Variants in TFEC observed in about 807,000 individuals in gnomAD.
The protein encoded by TFEC is class E basic helix-loop-helix protein 34.
A neutral mutation model predicts 41.6 loss-of-function variants in TFEC; 31 were observed. The observed-to-expected ratio is 0.74, with a 90% CI of 0.56 to 1.01. TFEC has a LOEUF of 1.01. Ranked by LOEUF, TFEC falls within the 50% of genes least tolerant of loss-of-function variation. TFEC has a pLI of 0.00. For missense variants in TFEC, 402 were observed against 404.1 expected (o/e 0.99, Z 0.04); for synonymous variants, 143 against 140.6 (o/e 1.02, Z -0.12).
intron 6 of TFEC, among the ~76,000 whole-genome samples, chr7:115,947,076 C>A (rs1364848413): frequency 8.5e-6 from 1 of 117,380 alleles, no homozygotes; most frequent in African/African-American, 3.2e-5. Flanking sequence ...CCCCCTCCCC[C>A]CACCCCACAA....
At chr7:115,954,718 C>T (rs1792130946) in intron 4 of TFEC, 76 bp from the exon 5 acceptor site, 2 of 1,090,400 alleles carry the variant, frequency 1.8e-6, no homozygotes, top group Admixed American at 4.7e-5. Context: ...ATTCAGAACT[C>T]CTAGGTGAAA....
intron 3 of TFEC, among the ~76,000 whole-genome samples, chr7:115,957,717 AT>A (rs923333514): frequency 8.6e-5 from 13 of 151,734 alleles, no homozygotes; most frequent in Non-Finnish European, 1.2e-4. Flanking sequence ...ATAAGAAGCA[AT>A]TTTTTTTATT....
intron 3 of TFEC, among the ~76,000 whole-genome samples, chr7:116,046,197 T>C (rs567127452): frequency 6.6e-4 from 101 of 152,186 alleles, no homozygotes; most frequent in African/African-American, 2.4e-3. Context: ...AAGGCATAAT[T>C]GGTTTTGAAA....
intron 3 of TFEC, among the ~76,000 whole-genome samples, chr7:116,055,302 C>A (rs1796400923): frequency 6.6e-6 from 1 of 151,936 alleles, no homozygotes; most frequent in South Asian, 2.1e-4. Context: ...AATTTGGAAC[C>A]AATACTGTAA....
At chr7:116,131,860 A>C (rs949493065) in intron 1 of TFEC, among the ~76,000 whole-genome samples, 2 of 152,212 alleles carry the variant, frequency 1.3e-5, no homozygotes, top group Admixed American at 1.3e-4. Flanking sequence ...CGCACATTAA[A>C]TATAAAGTGA....
chr7:115,984,416 T>C lies in TFEC; in HGVS notation c.26A>G (p.Asn9Ser), dbSNP rs140534506. Reference sequence around the variant, plus strand: ...AGGTTGTGACCATTTAAGAGTTGGATTGATGATCTGATGATCAAGGGTCAT... The same window carrying C: ...AGGTTGTGACCATTTAAGAGTTGGACTGATGATCTGATGATCAAGGGTCAT... MTLDHQII[N>S]PTLKWSQPAV... The change falls in exon 2 of 8, where the codon AAT (asparagine) becomes AGT (serine). Residue 9 changes from asparagine to serine, a missense_variant. By Grantham distance (46) the Asn-to-Ser change is conservative (BLOSUM62 1). Coordinates refer to ENST00000265440, the MANE Select transcript of TFEC (RefSeq NM_012252.4). 4.0e-5 allele frequency: 65 copies of C among 1,614,000 alleles called. No individual in the cohort carries two copies. Among genetic ancestry groups the C allele is most frequent in the Non-Finnish European group, 5.0e-5 (59 of 1,179,986 alleles).
At chr7:115,950,988 G>A (rs1160215790) in intron 5 of TFEC, 39 bp from the exon 6 acceptor site, 1 of 1,304,208 alleles carries the variant, frequency 7.7e-7, no homozygotes, top group Non-Finnish European at 1.1e-6. Context: ...TCTCATTAAT[G>A]CACAGTTCAC....
chr7:115,986,042 A>G (rs1793840487), intron 1 of TFEC, among the ~76,000 whole-genome samples: 1 of 152,210 alleles, frequency 6.6e-6, no homozygotes, highest in South Asian at 2.1e-4. Flanking sequence ...TACAACATGC[A>G]TTAACTAATT....
At chr7:116,000,204 A>T (rs1236032399) in intron 1 of TFEC, among the ~76,000 whole-genome samples, 1 of 152,160 alleles carries the variant, frequency 6.6e-6, no homozygotes. Flanking sequence ...AGAATGAAGA[A>T]CAAAGACCAC....
upstream of TFEC, among the ~76,000 whole-genome samples, chr7:116,031,054 G>A (rs542639782): frequency 6.6e-6 from 1 of 152,156 alleles, no homozygotes; most frequent in South Asian, 2.1e-4. Flanking sequence ...GTACATGGTT[G>A]TTATCATAAT....
At chr7:116,044,784 C>G (rs1796123585) in intron 3 of TFEC, among the ~76,000 whole-genome samples, 1 of 152,186 alleles carries the variant, frequency 6.6e-6, no homozygotes, top group African/African-American at 2.4e-5. Context: ...ATCTGTAGTT[C>G]CACTTGTAAC....
intron 6 of TFEC, among the ~76,000 whole-genome samples, chr7:115,946,041 T>C (rs1791523127): frequency 6.6e-6 from 1 of 151,804 alleles, no homozygotes. Context: ...AAGGAGTCTT[T>C]AGATAAAGTT....
chr7:116,021,210 G>T (rs1795382905), intron 1 of TFEC, among the ~76,000 whole-genome samples: 1 of 152,174 alleles, frequency 6.6e-6, no homozygotes, highest in Non-Finnish European at 1.5e-5. Flanking sequence ...GGTTTTGTTT[G>T]GGATTTGTTT....
upstream of TFEC, among the ~76,000 whole-genome samples, chr7:116,033,844 C>T (rs1795844937): frequency 6.6e-6 from 1 of 152,128 alleles, no homozygotes; most frequent in African/African-American, 2.4e-5. Context: ...GATGTTACTC[C>T]ATTTCTTTGT....
intron 1 of TFEC, among the ~76,000 whole-genome samples, chr7:116,138,868 A>G (rs1383113117): frequency 6.6e-6 from 1 of 152,186 alleles, no homozygotes; most frequent in African/African-American, 2.4e-5. Context: ...CGGTCACCCA[A>G]CGTGTCCCCT....
At chr7:116,095,670 T>C (rs1448753035) in intron 3 of TFEC, among the ~76,000 whole-genome samples, 2 of 152,218 alleles carry the variant, frequency 1.3e-5, no homozygotes, top group African/African-American at 4.8e-5. Context: ...TCCCAAATCT[T>C]TTTGAAACTA....
rs912314580 is a variant in TFEC at position 115,935,446 on chromosome 7, A to G, written c.*5105T>C. The G allele has an allele frequency of 6.6e-6, 1 of 152,134 alleles. No individual in the cohort carries two copies. Among genetic ancestry groups the G allele is most frequent in the Admixed American group, 6.6e-5 (1 of 15,228 alleles). 9.4% of individuals were successfully genotyped at this position (152,134 alleles called of 1,614,324 possible). A position where few individuals can be genotyped will look rare whatever the true frequency, so the allele number is the denominator to read the frequency against. On this transcript the variant is annotated 3_prime_UTR_variant, in exon 8 of 8. Transcript: ENST00000265440. ...AAAGTCAAAGATTTTTAACTACATA[A>G]TAATTATTAAGATTAAATAGCTGAA...
intron 1 of TFEC, among the ~76,000 whole-genome samples, chr7:116,114,785 C>A (rs1238508424): frequency 6.6e-6 from 1 of 151,948 alleles, no homozygotes; most frequent in Non-Finnish European, 1.5e-5. Flanking sequence ...TCGGTTGAGA[C>A]TGAAGCATGC....
Position 116,114,240 on chromosome 7 carries a change from A to G in TFEC, c.-68-2202T>C, listed in dbSNP as rs115920763. Among the ~76,000 whole-genome samples, 1,237 of 152,100 alleles carry G rather than the reference A, an allele frequency of 8.1e-3. 20 individuals are homozygous for G. Among genetic ancestry groups the G allele is most frequent in the African/African-American group, 0.028 (1,158 of 41,538 alleles). On this transcript the variant is annotated intron_variant, in intron 1 of 8. Coordinates refer to the TFEC transcript ENST00000484212. Reference sequence around the variant, plus strand: ...AACCCACTTCAGCGAAAAACACACAATATTTCATTTGGGCTCAAAATTTAA... The same window carrying G: ...AACCCACTTCAGCGAAAAACACACAGTATTTCATTTGGGCTCAAAATTTAA...
Sources: gnomAD v4.1 joint callset for allele counts (sites outside exome capture counted in the v4.1 genomes callset) on GRCh38, gnomAD v4.1.1 for gene constraint, MANE v1.5 for transcripts, NCBI Gene and HGNC (gene_info 2026-07-23, HGNC 2026-07-21) for gene names.